HSCB: variants seen among roughly 807,000 people sequenced by gnomAD.
HSCB encodes iron-sulfur cluster co-chaperone protein HscB.
A neutral mutation model predicts 31.3 loss-of-function variants in HSCB; 23 were observed. The ratio of observed to expected loss-of-function variants is 0.74; its 90% CI spans 0.53 to 1.04. HSCB has a LOEUF of 1.04. Among genes scored for constraint, HSCB ranks in the 50% least tolerant of loss-of-function variants. The pLI is 0.00. For synonymous variants in HSCB, 110 were observed against 104.5 expected, an observed-to-expected ratio of 1.05 and a Z score of -0.32; for missense variants, 297 against 288.1, an observed-to-expected ratio of 1.03 and a Z score of -0.22.
intron 5 of HSCB, among the ~76,000 whole-genome samples, chr22:28,755,122 T>G: frequency 7.0e-6 from 1 of 142,010 alleles, no homozygotes; most frequent in Admixed American, 6.9e-5. Context: ...AAAAAAGATG[T>G]TAAATAGGCC....
intron 5 of HSCB, among the ~76,000 whole-genome samples, chr22:28,755,312 AG>A (rs1269994961): frequency 6.6e-6 from 1 of 151,884 alleles, no homozygotes; most frequent in Non-Finnish European, 1.5e-5. Flanking sequence ...CAGGAGGCTG[AG>A]GCAGGAGAAT....
chr22:28,747,412 C>T (rs1345556035), intron 4 of HSCB, among the ~76,000 whole-genome samples: 1 of 152,172 alleles, frequency 6.6e-6, no homozygotes, highest in Non-Finnish European at 1.5e-5. Flanking sequence ...ACAGTCCTCT[C>T]ACCTTAGCCT....
intron 1 of HSCB, 160 bp downstream of exon 1, chr22:28,742,491 G>T: frequency 1.5e-6 from 2 of 1,293,028 alleles, no homozygotes; most frequent in Non-Finnish European, 1.0e-6. Context: ...TGATTTCTCA[G>T]GAGGAAATTG....
Position 28,757,411 on chromosome 22 carries a change from T to G in HSCB, c.*242T>G. 2.8e-6 allele frequency: 1 copy of G among 356,650 alleles called. No homozygotes were observed. The highest frequency in any genetic ancestry group is 2.6e-5 in the South Asian group (1 of 38,878). 22.1% of individuals were successfully genotyped at this position (356,650 alleles called of 1,614,324 possible). ...GAGGCAGGAGAATCGCTTAAACCCG[T>G]GAGGTGGAGGTTGCAGTGAGCAGAG... On this transcript the variant is annotated 3_prime_UTR_variant, in exon 6 of 6. Coordinates refer to ENST00000216027, the MANE Select transcript of HSCB (RefSeq NM_172002.5).
chr22:28,752,311 A>G (rs1033759190), intron 5 of HSCB, among the ~76,000 whole-genome samples: 1 of 150,346 alleles, frequency 6.7e-6, no homozygotes, highest in African/African-American at 2.5e-5. Context: ...CGCGCCTGTA[A>G]TCCCAGCTAC....
At chr22:28,751,148 G>T (rs562142341) in intron 4 of HSCB, 93 bp from the exon 5 acceptor site, 1 of 774,592 alleles carries the variant, frequency 1.3e-6, no homozygotes, top group South Asian at 1.7e-5. Context: ...CCTTTGTTGT[G>T]TTCAAACCAG....
At chr22:28,748,915 G>A (rs2030018475) in intron 4 of HSCB, among the ~76,000 whole-genome samples, 1 of 152,152 alleles carries the variant, frequency 6.6e-6, no homozygotes, top group Admixed American at 6.5e-5. Flanking sequence ...TGAAGTGGAA[G>A]GATCACTTGA....
chr22:28,755,505 C>G (rs1479724255), intron 5 of HSCB, among the ~76,000 whole-genome samples: 1 of 152,154 alleles, frequency 6.6e-6, no homozygotes, highest in Non-Finnish European at 1.5e-5. Flanking sequence ...CATCTCCCTT[C>G]CACAGTAACC....
At chr22:28,746,380 CAAAAA>C (rs56751858) in intron 4 of HSCB, among the ~76,000 whole-genome samples, 2 of 71,572 alleles carry the variant, frequency 2.8e-5, no homozygotes, top group Non-Finnish European at 5.2e-5. Flanking sequence ...GACTCCATCT[CAAAAA>C]AAAAAAAAAA....
At chr22:28,742,758 AT>A (rs2054601563) in intron 1 of HSCB, 1 of 183,558 alleles carries the variant, frequency 5.4e-6, no homozygotes, top group African/African-American at 2.4e-5. Context: ...GGGTTGATGT[AT>A]TTAAGAAAGG....
Position 28,745,926 on chromosome 22 carries a change from CAT to C in HSCB, c.488_489del (p.Ile163ArgfsTer7), listed in dbSNP as rs1569184139. On this transcript the variant is annotated frameshift_variant, in exon 4 of 6. Coordinates refer to ENST00000216027, the MANE Select transcript of HSCB (RefSeq NM_172002.5). LOFTEE classifies it high-confidence loss of function. ...ATTATGAAATGGACAGGCAATTCCT[CAT>C]AGAAATAATGGAAATCAATGAAAAA... Reference protein sequence around the residue: ...TDYEMDRQFLIEIMEINEKLA... With the variant: ...TDYEMDRQFLXEIMEINEKLA... 2 of 1,613,324 alleles carry C rather than the reference CAT, an allele frequency of 1.2e-6. No individual in the cohort carries two copies. The highest frequency in any genetic ancestry group is 3.3e-5 in the Admixed American group (2 of 59,976).
chr22:28,747,653 C>T (rs560703789), intron 4 of HSCB, among the ~76,000 whole-genome samples: 4 of 152,218 alleles, frequency 2.6e-5, no homozygotes, highest in Non-Finnish European at 4.4e-5. Flanking sequence ...GCCAAGTTGA[C>T]GCATAAAATT....
At chr22:28,750,546 C>T (rs936485255) in intron 4 of HSCB, among the ~76,000 whole-genome samples, 6 of 152,162 alleles carry the variant, frequency 3.9e-5, no homozygotes, top group Non-Finnish European at 8.8e-5. Context: ...CTGTTCCCAG[C>T]TCTTCCACTC....
intron 5 of HSCB, among the ~76,000 whole-genome samples, chr22:28,751,721 G>C (rs1190842670): frequency 1.3e-5 from 2 of 150,150 alleles, no homozygotes; most frequent in African/African-American, 4.9e-5. Context: ...ACGCCAGCCT[G>C]AGTGACAGAG....
At position 28,751,301 on chromosome 22, in the gene HSCB, C is replaced by G; in HGVS notation, c.616+13C>G. On this transcript the variant is annotated intron_variant, in intron 5 of 5. Transcript: ENST00000216027. ...GCTTTTGAACAAGGTACTTTCTTTT[C>G]TTCACTTTCTTAAATATGGAAAGAA... 1 of 1,543,542 alleles carries G rather than the reference C, an allele frequency of 6.5e-7. No homozygotes were observed. Among genetic ancestry groups the G allele is most frequent in the African/African-American group, 1.4e-5 (1 of 73,502 alleles).
chr22:28,749,394 A>G (rs541240587), intron 4 of HSCB, among the ~76,000 whole-genome samples: 1 of 152,222 alleles, frequency 6.6e-6, no homozygotes, highest in Non-Finnish European at 1.5e-5. Flanking sequence ...GAAGGCAATC[A>G]TCACTTCCTC....
At chr22:28,751,525 AT>A (rs1383832151) in intron 5 of HSCB, among the ~76,000 whole-genome samples, 3 of 152,180 alleles carry the variant, frequency 2.0e-5, no homozygotes, top group Admixed American at 6.6e-5. Context: ...AGGCGGGCGG[AT>A]CACGAAGTCA....
chr22:28,751,153 A>G lies in HSCB; in HGVS notation c.569-88A>G, dbSNP rs1470565820. The G allele has an allele frequency of 3.7e-6, 3 of 807,522 alleles. No individual in the cohort carries two copies. Among genetic ancestry groups the G allele is most frequent in the East Asian group, 5.3e-5 (2 of 37,774 alleles). The allele number at this position is 807,522 out of a possible 1,614,324, so 50.0% of individuals were successfully genotyped here. ...CAAACTTCCTCCTTTGTTGTGTTCA[A>G]ACCAGCATGATTACAAAGTTTAAGT... On this transcript the variant is annotated intron_variant, in intron 4 of 5. Coordinates refer to ENST00000216027, the MANE Select transcript of HSCB (RefSeq NM_172002.5).
chr22:28,754,168 C>T (rs1037249930), intron 5 of HSCB, among the ~76,000 whole-genome samples: 7 of 152,034 alleles, frequency 4.6e-5, no homozygotes, highest in Admixed American at 3.9e-4. Context: ...GACACAGGCT[C>T]CAACATGGAT....
Sources: allele counts gnomAD v4.1 joint callset (sites outside exome capture counted in the v4.1 genomes callset), GRCh38; gene constraint gnomAD v4.1.1; transcripts MANE v1.5; gene names NCBI Gene and HGNC (gene_info 2026-07-23, HGNC 2026-07-21).